DENND1A: variants seen among roughly 807,000 people sequenced by gnomAD.
DENND1A encodes the protein DENN domain-containing protein 1A.
In DENND1A, 51 loss-of-function variants were observed where a neutral mutation model predicts 113.7. The observed-to-expected ratio is 0.45, with a 90% CI of 0.36 to 0.57. DENND1A has a LOEUF of 0.57. Among genes scored for constraint, DENND1A ranks in the 20% least tolerant of loss-of-function variants. The pLI, the probability that DENND1A is intolerant of heterozygous loss-of-function variation, is 0.00. For synonymous variants in DENND1A, 565 were observed against 570.8 expected (o/e 0.99, Z 0.14); for missense variants, 1,258 against 1,395.9 (o/e 0.90, Z 1.57).
chr9:123,622,794 C>A (rs574843315), intron 10 of DENND1A, among the ~76,000 whole-genome samples: 1 of 152,298 alleles, frequency 6.6e-6, no homozygotes, highest in South Asian at 2.1e-4. Context: ...AAGAGCTTGT[C>A]ACACACACAG....
At chr9:123,463,073 C>T (rs994747330) in intron 13 of DENND1A, among the ~76,000 whole-genome samples, 3 of 152,218 alleles carry the variant, frequency 2.0e-5, no homozygotes, top group Admixed American at 6.5e-5. Context: ...TTTAGTTCTA[C>T]GAGGCTGATT....
intron 11 of DENND1A, among the ~76,000 whole-genome samples, chr9:123,590,871 T>C (rs1159646450): frequency 6.6e-6 from 1 of 152,276 alleles, no homozygotes; most frequent in East Asian, 1.9e-4. Context: ...TAGCCAACCA[T>C]ACAAGGTAAG....
At chr9:123,698,792 G>T (rs559224535) in intron 5 of DENND1A, among the ~76,000 whole-genome samples, 1 of 152,152 alleles carries the variant, frequency 6.6e-6, no homozygotes, top group Non-Finnish European at 1.5e-5. Context: ...TTTGCCCTGC[G>T]TACTACGTTG....
intron 13 of DENND1A, among the ~76,000 whole-genome samples, chr9:123,485,144 G>A (rs1055663626): frequency 5.3e-5 from 8 of 152,196 alleles, no homozygotes; most frequent in African/African-American, 1.7e-4. Flanking sequence ...AGAGCCTGGC[G>A]TGCATGCATG....
intron 5 of DENND1A, among the ~76,000 whole-genome samples, chr9:123,684,121 C>T (rs1242791897): frequency 6.6e-6 from 1 of 152,210 alleles, no homozygotes; most frequent in African/African-American, 2.4e-5. Context: ...CCACCATCTA[C>T]TCTTTTTGTT....
intron 8 of DENND1A, among the ~76,000 whole-genome samples, chr9:123,653,991 C>A (rs1275736954): frequency 6.6e-6 from 1 of 152,046 alleles, no homozygotes; most frequent in East Asian, 1.9e-4. Flanking sequence ...AAAACTAGAT[C>A]TCCTCAATCC....
At chr9:123,769,483 T>G in intron 4 of DENND1A, 31 bp downstream of exon 4, 1 of 1,580,218 alleles carries the variant, frequency 6.3e-7, no homozygotes, top group Non-Finnish European at 8.6e-7. Context: ...TGATACTTTT[T>G]TTCTAGTAAA....
At position 123,559,793 on chromosome 9, in the gene DENND1A, G is replaced by C. The variant is rs554651269; in HGVS notation, c.868-2098C>G. On this transcript the variant is annotated intron_variant, in intron 12 of 23. Transcript: ENST00000394215. ...ACTCCAGAACATTTTTATTACCCCC[G>C]AAAGAAACCTCATACTCATTAGCTG... Among the ~76,000 whole-genome samples the C allele has an allele frequency of 4.6e-5, 7 of 152,136 alleles. No homozygotes were observed. In the East Asian group the frequency reaches 5.8e-4, roughly 13 times the overall value.
chr9:123,728,506 A>AAAAAAAAACAAAAAAAC lies in DENND1A; in HGVS notation c.302+29196_302+29197insGTTTTTTTGTTTTTTTT, dbSNP rs1564150268. ...AAAAAAAAAAAAAAAAAAAAAAAAA[A>AAAAAAAAACAAAAAAAC]AAAACAGGCATCAGTCATCTTTACC... On this transcript the variant is annotated intron_variant, in intron 5 of 23. Transcript: ENST00000394215. Among the ~76,000 whole-genome samples, 132 of 145,900 alleles carry AAAAAAAAACAAAAAAAC rather than the reference A, an allele frequency of 9.0e-4. 1 individual carries two copies. The highest frequency in any genetic ancestry group is 3.4e-3 in the African/African-American group (127 of 37,176).
chr9:123,434,632 G>A (rs1284790238), intron 19 of DENND1A, among the ~76,000 whole-genome samples: 2 of 152,160 alleles, frequency 1.3e-5, no homozygotes, highest in Non-Finnish European at 2.9e-5. Context: ...CGTGACAAGC[G>A]GCGTGTGCAT....
intron 2 of DENND1A, among the ~76,000 whole-genome samples, chr9:123,811,596 A>G (rs941632159): frequency 3.9e-5 from 6 of 152,074 alleles, no homozygotes; most frequent in Admixed American, 1.3e-4. Context: ...CGTCTCTACT[A>G]AACATACAAA....
intron 12 of DENND1A, among the ~76,000 whole-genome samples, chr9:123,568,920 A>T (rs1338008266): frequency 6.6e-6 from 1 of 152,220 alleles, no homozygotes; most frequent in Non-Finnish European, 1.5e-5. Context: ...TGCATAAAAG[A>T]GCTGACAGAA....
chr9:123,459,524 G>A (rs972619504), intron 13 of DENND1A, among the ~76,000 whole-genome samples: 2 of 151,638 alleles, frequency 1.3e-5, no homozygotes, highest in Non-Finnish European at 2.9e-5. Flanking sequence ...GAGTCAAGAA[G>A]ACGATACCCT....
rs189322774 is a variant in DENND1A at position 123,722,628 on chromosome 9, G to T, written c.302+35075C>A. Among the ~76,000 whole-genome samples the T allele has an allele frequency of 4.6e-5, 7 of 152,350 alleles. No homozygotes were observed. The East Asian group carries it at 1.4e-3, about 29-fold the overall frequency. ...AGTCACTCCAGCTGTGACTACAAGG[G>T]TCCAAAGTACAGCTCAGGCTGTTGC... On this transcript the variant is annotated intron_variant, in intron 5 of 23. Coordinates refer to ENST00000394215, the MANE Select transcript of DENND1A (RefSeq NM_001352964.2).
rs1362149624 is a variant in DENND1A, at chr9:123,667,015, C to G, written c.507+11G>C. On this transcript the variant is annotated intron_variant, in intron 8 of 23. Coordinates refer to ENST00000394215, the MANE Select transcript of DENND1A (RefSeq NM_001352964.2). Reference sequence around the variant, plus strand: ...TAAAAATTTAATTTTTTCTTCTTCCCAAGTACTTACATTCTCAGGTATGCT... The same window carrying G: ...TAAAAATTTAATTTTTTCTTCTTCCGAAGTACTTACATTCTCAGGTATGCT... The G allele has an allele frequency of 6.3e-7, 1 of 1,579,090 alleles. No homozygotes were observed. The highest frequency in any genetic ancestry group is 8.6e-7 in the Non-Finnish European group (1 of 1,168,714).
chr9:123,479,748 G>A (rs942888159), intron 13 of DENND1A, among the ~76,000 whole-genome samples: 4 of 152,192 alleles, frequency 2.6e-5, no homozygotes, highest in East Asian at 3.8e-4. Flanking sequence ...GACCCCAAAC[G>A]CCTTTTGGCA....
At chr9:123,449,803 A>G (rs2047573896) in intron 18 of DENND1A, among the ~76,000 whole-genome samples, 1 of 152,152 alleles carries the variant, frequency 6.6e-6, no homozygotes, top group Admixed American at 6.5e-5. Context: ...TGAGGATGCA[A>G]AGGCATAAGA....
At chr9:123,509,073 C>T (rs1294082699) in intron 13 of DENND1A, among the ~76,000 whole-genome samples, 3 of 152,168 alleles carry the variant, frequency 2.0e-5, no homozygotes, top group African/African-American at 4.8e-5. Flanking sequence ...AGGCCCTGTG[C>T]CTCTGCTTGA....
At chr9:123,660,896 C>T (rs147952879) in intron 8 of DENND1A, among the ~76,000 whole-genome samples, 29 of 152,344 alleles carry the variant, frequency 1.9e-4, no homozygotes, top group African/African-American at 6.5e-4. Flanking sequence ...TTTGGCAATG[C>T]CTGGGGACAT....
Sources: allele counts gnomAD v4.1 joint callset (sites outside exome capture counted in the v4.1 genomes callset), GRCh38; gene constraint gnomAD v4.1.1; transcripts MANE v1.5; gene names NCBI Gene and HGNC (gene_info 2026-07-23, HGNC 2026-07-21).